The following PPP1R21 variants were observed in gnomAD, a reference collection of about 807,000 sequenced individuals.
PPP1R21 encodes KLRAQ motif containing 1.
In PPP1R21, 85 loss-of-function variants were observed where a neutral mutation model predicts 112.8. The ratio of observed to expected loss-of-function variants is 0.75; its 90% CI spans 0.63 to 0.90. The LOEUF is 0.90. Ranked by LOEUF, PPP1R21 falls within the 40% of genes least tolerant of loss-of-function variation. PPP1R21 has a pLI of 0.00. For synonymous variants in PPP1R21, 381 were observed against 322.3 expected, an observed-to-expected ratio of 1.18 and a Z score of -1.95; for missense variants, 1,199 against 901.5, an observed-to-expected ratio of 1.33 and a Z score of -4.23.
intron 2 of PPP1R21, among the ~76,000 whole-genome samples, chr2:48,453,573 A>G (rs185830050): frequency 1.2e-3 from 181 of 152,304 alleles, no homozygotes; most frequent in African/African-American, 4.2e-3. Context: ...ATCATAAGTA[A>G]AATATAGTTA....
intron 19 of PPP1R21, among the ~76,000 whole-genome samples, chr2:48,508,054 C>T (rs1021316694): frequency 6.6e-6 from 1 of 150,638 alleles, no homozygotes; most frequent in Non-Finnish European, 1.5e-5. Flanking sequence ...CATGAGCTAC[C>T]ACCCCCAGCC....
intron 14 of PPP1R21, among the ~76,000 whole-genome samples, chr2:48,489,770 G>A (rs186014458): frequency 2.0e-5 from 3 of 152,074 alleles, no homozygotes; most frequent in Non-Finnish European, 4.4e-5. Flanking sequence ...ATTAGGCTGG[G>A]TGTGGTGGCT....
intron 13 of PPP1R21, 106 bp from the exon 14 acceptor site, chr2:48,486,525 T>G: frequency 1.2e-6 from 1 of 859,930 alleles, no homozygotes; most frequent in South Asian, 1.8e-5. Flanking sequence ...TTTGTCAAAT[T>G]TACTTTATAA....
chr2:48,485,387 T>A (rs1002213100), intron 13 of PPP1R21, among the ~76,000 whole-genome samples: 1 of 152,142 alleles, frequency 6.6e-6, no homozygotes, highest in East Asian at 1.9e-4. Flanking sequence ...TTGAGCATAA[T>A]CATTTCTTTT....
intron 1 of PPP1R21, among the ~76,000 whole-genome samples, chr2:48,450,031 A>G (rs76329609): frequency 6.6e-6 from 1 of 152,182 alleles, no homozygotes; most frequent in Non-Finnish European, 1.5e-5. Flanking sequence ...GTAAAAATGC[A>G]TTTAGCTGCA....
chr2:48,489,183 A>T (rs778177544), intron 14 of PPP1R21, among the ~76,000 whole-genome samples: 1 of 152,204 alleles, frequency 6.6e-6, no homozygotes, highest in Non-Finnish European at 1.5e-5. Flanking sequence ...TTTAATGTAT[A>T]CAAGACTGTA....
At chr2:48,498,347 ATC>A (rs767119847) in intron 16 of PPP1R21, 144 bp from the exon 17 acceptor site, 2 of 701,600 alleles carry the variant, frequency 2.9e-6, no homozygotes, top group Non-Finnish European at 4.7e-6. Flanking sequence ...TGTCTAATAA[ATC>A]TCTTCCTATT....
chr2:48,498,692 C>T lies in PPP1R21; in HGVS notation c.1892C>T (p.Ala631Val), dbSNP rs773578935. ...AVSNTAGQDE[A>V]TAKAVLEPIQ... ...TCAAATACTGCTGGCCAGGATGAAG[C>T]CACAGCTAAGGCTGTGTTGGAGCCC... is the stretch of plus-strand genomic sequence containing the variant. Residue 631 changes from alanine to valine, a missense_variant, in exon 17 of 22, where the codon GCC (alanine) becomes GTC (valine). Coordinates refer to ENST00000294952, the MANE Select transcript of PPP1R21 (RefSeq NM_001135629.3). The T allele has an allele frequency of 6.2e-7, 1 of 1,614,126 alleles. No individual in the cohort carries two copies. The highest frequency in any genetic ancestry group is 8.5e-7 in the Non-Finnish European group (1 of 1,179,984).
chr2:48,464,938 A>C lies in PPP1R21; in HGVS notation c.696A>C (p.Lys232Asn). The change falls in exon 8 of 22, where the codon AAA (lysine) becomes AAC (asparagine). Residue 232 changes from lysine to asparagine, a missense_variant and splice_region_variant. Lys to Asn is a moderately conservative substitution (Grantham distance 94, BLOSUM62 0). Coordinates refer to ENST00000294952, the MANE Select transcript of PPP1R21 (RefSeq NM_001135629.3). ...ATGTACATTATTTTTCTTCTGTAGA[A>C]TATAGTCAGTACAACGCTCTGAACG... ...INEKVPFNDT[K>N]YSQYNALNVP... 6.4e-7 allele frequency: 1 copy of C among 1,566,146 alleles called. No individual in the cohort carries two copies. The highest frequency in any genetic ancestry group is 8.6e-7 in the Non-Finnish European group (1 of 1,164,726).
At chr2:48,452,362 G>A (rs1667513512) in intron 2 of PPP1R21, among the ~76,000 whole-genome samples, 1 of 152,058 alleles carries the variant, frequency 6.6e-6, no homozygotes, top group South Asian at 2.1e-4. Context: ...CTTATTTAGT[G>A]TTCACAACAA....
chr2:48,492,691 C>A (rs1394569188), intron 15 of PPP1R21, among the ~76,000 whole-genome samples: 1 of 152,186 alleles, frequency 6.6e-6, no homozygotes, highest in East Asian at 1.9e-4. Flanking sequence ...AGTTGTCCTT[C>A]AAAATGGGCA....
intron 13 of PPP1R21, among the ~76,000 whole-genome samples, chr2:48,480,798 A>G (rs138113486): frequency 1.3e-5 from 2 of 152,300 alleles, no homozygotes; most frequent in African/African-American, 4.8e-5. Flanking sequence ...TTAGTGACCA[A>G]TTACTAATTG....
chr2:48,462,541 C>T (rs187033774), intron 7 of PPP1R21, among the ~76,000 whole-genome samples: 8 of 152,134 alleles, frequency 5.3e-5, no homozygotes, highest in African/African-American at 1.4e-4. Context: ...TAAGGAATTA[C>T]GTGAAGTATG....
intron 15 of PPP1R21, among the ~76,000 whole-genome samples, chr2:48,493,594 ATAC>A (rs1011988858): frequency 1.6e-5 from 1 of 61,256 alleles, no homozygotes; most frequent in South Asian, 5.0e-4. Flanking sequence ...CTGGAAAAAA[ATAC>A]ATAAATAAAT....
intron 14 of PPP1R21, among the ~76,000 whole-genome samples, chr2:48,487,992 G>A (rs1404281386): frequency 6.6e-6 from 1 of 152,094 alleles, no homozygotes; most frequent in Non-Finnish European, 1.5e-5. Flanking sequence ...CTCTGTGTCT[G>A]TCTTTATATA....
intron 15 of PPP1R21, among the ~76,000 whole-genome samples, chr2:48,491,502 G>A (rs1280796225): frequency 6.6e-6 from 1 of 151,278 alleles, no homozygotes; most frequent in Non-Finnish European, 1.5e-5. Context: ...AGAAATATGT[G>A]TATGACTTTT....
intron 15 of PPP1R21, 111 bp downstream of exon 15, chr2:48,491,281 G>A (rs750865249): frequency 7.8e-5 from 95 of 1,211,904 alleles, no homozygotes; most frequent in Non-Finnish European, 1.0e-4. Context: ...ACGATATTGG[G>A]GTACAGGTTG....
intron 20 of PPP1R21, among the ~76,000 whole-genome samples, chr2:48,510,482 G>T (rs1255845634): frequency 1.3e-5 from 2 of 152,170 alleles, no homozygotes; most frequent in African/African-American, 4.8e-5. Context: ...AAACTGAAAG[G>T]TGGGGCTATA....
intron 16 of PPP1R21, among the ~76,000 whole-genome samples, chr2:48,496,580 G>C (rs373047675): frequency 3.8e-4 from 58 of 151,748 alleles, no homozygotes; most frequent in African/African-American, 1.3e-3. Flanking sequence ...CGATTGTCCT[G>C]CCTCAGCCTC....
Sources: gnomAD v4.1 joint callset for allele counts (sites outside exome capture counted in the v4.1 genomes callset) on GRCh38, gnomAD v4.1.1 for gene constraint, MANE v1.5 for transcripts, NCBI Gene and HGNC (gene_info 2026-07-23, HGNC 2026-07-21) for gene names.